HEATR6: variants seen among roughly 807,000 people sequenced by gnomAD.
The protein encoded by HEATR6 is HEAT repeat containing 6.
HEATR6 carries 106 observed loss-of-function variants against 132.8 expected under a neutral mutation model. The ratio of observed to expected loss-of-function variants is 0.80; its 90% CI spans 0.68 to 0.94. The LOEUF is 0.94. Ranked by LOEUF, HEATR6 falls within the 40% of genes least tolerant of loss-of-function variation. HEATR6 has a pLI of 0.00. For synonymous variants in HEATR6, 529 were observed against 537.8 expected, an observed-to-expected ratio of 0.98 and a Z score of 0.23; for missense variants, 1,339 against 1,425.1, an observed-to-expected ratio of 0.94 and a Z score of 0.97.
chr17:60,056,091 C>T (rs771856764), intron 13 of HEATR6, 24 bp downstream of exon 13: 13 of 1,610,812 alleles, frequency 8.1e-6, no homozygotes, highest in Admixed American at 5.0e-5. Flanking sequence ...AAGGAAAAAG[C>T]ATTGTGGTTT....
intron 7 of HEATR6, 56 bp from the exon 8 acceptor site, chr17:60,067,788 A>G (rs2083250180): frequency 7.3e-7 from 1 of 1,377,378 alleles, no homozygotes; most frequent in African/African-American, 1.5e-5. Flanking sequence ...ATGGCTTTTC[A>G]CTGAATCGTT....
At chr17:60,065,980 C>A (rs551021286) in intron 9 of HEATR6, among the ~76,000 whole-genome samples, 28 of 152,336 alleles carry the variant, frequency 1.8e-4, no homozygotes, top group African/African-American at 6.5e-4. Context: ...TCAGTGTGCT[C>A]AGGCTTCAAG....
chr17:60,056,121 T>C lies in HEATR6; in HGVS notation c.2196A>G (p.Gly732=). 3 of 1,613,610 alleles carry C rather than the reference T, an allele frequency of 1.9e-6. No individual in the cohort carries two copies. Among genetic ancestry groups the C allele is most frequent in the Non-Finnish European group, 2.5e-6 (3 of 1,179,836 alleles). Residue 732 remains glycine (G), a synonymous_variant, in exon 13 of 20, where the codon GGA becomes GGG. Coordinates refer to ENST00000184956, the MANE Select transcript of HEATR6 (RefSeq NM_022070.5). ...GEADPSIQLH[G]AKLLEELGTG... ...TGGTTTTGATGAAAATTACCTTTGC[T>C]CCATGAAGCTGAATGGATGGATCTG...
At chr17:60,054,243 G>C (rs561638396) in intron 14 of HEATR6, among the ~76,000 whole-genome samples, 1 of 152,364 alleles carries the variant, frequency 6.6e-6, no homozygotes, top group South Asian at 2.1e-4. Context: ...TCCATGTGGT[G>C]TTAAGCCTGC....
At chr17:60,056,878 C>A (rs1361769585) in intron 12 of HEATR6, among the ~76,000 whole-genome samples, 170 bp downstream of exon 12, 1 of 152,150 alleles carries the variant, frequency 6.6e-6, no homozygotes, top group Admixed American at 6.6e-5. Flanking sequence ...AACCAAAGAA[C>A]ACCTCCCCAA....
chr17:60,056,183 C>T lies in HEATR6; in HGVS notation c.2134G>A (p.Glu712Lys), dbSNP rs1906738742. The change falls in exon 13 of 20, where the codon GAG becomes AAG. Residue 712 changes from glutamate (E) to lysine (K), a missense_variant. Coordinates refer to ENST00000184956, the MANE Select transcript of HEATR6 (RefSeq NM_022070.5). The stretch of plus-strand genomic sequence containing the variant: ...CACTTGCAAATCACCTCTCCAAGCT[C>T]CATCAAGTAGGCTTGAGTCATTGAA... ...YFSMTQAYLM[E>K]LGEVICKCMG... is the part of the protein sequence containing the mutation. 6.2e-7 allele frequency: 1 copy of T among 1,614,052 alleles called. No individual in the cohort carries two copies. Among genetic ancestry groups the T allele is most frequent in the African/African-American group, 1.3e-5 (1 of 75,044 alleles).
intron 7 of HEATR6, among the ~76,000 whole-genome samples, chr17:60,068,851 G>A (rs1334729217): frequency 6.6e-6 from 1 of 152,068 alleles, no homozygotes; most frequent in South Asian, 2.1e-4. Context: ...AGAGTACTCT[G>A]TGAATATTCT....
intron 14 of HEATR6, among the ~76,000 whole-genome samples, chr17:60,052,495 G>A (rs145897502): frequency 3.5e-4 from 54 of 152,170 alleles, no homozygotes; most frequent in Non-Finnish European, 6.6e-4. Context: ...CATCTATCTA[G>A]CAAAGGGAGA....
In HEATR6 at chr17:60,078,898, A is replaced by G. The variant is rs1415486416; in HGVS notation, c.17T>C (p.Val6Ala). The G allele has an allele frequency of 3.3e-6, 4 of 1,197,966 alleles. No individual in the cohort carries two copies. In the East Asian group the frequency reaches 2.2e-4, roughly 65 times the overall value. 74.2% of individuals were successfully genotyped at this position (1,197,966 alleles called of 1,614,324 possible). A position where few individuals can be genotyped will look rare whatever the true frequency, so the allele number is the denominator to read the frequency against. The change falls in exon 1 of 20, where the codon GTT (valine) becomes GCT (alanine). Residue 6 changes from valine to alanine, a missense_variant. Val to Ala is a moderately conservative substitution (Grantham distance 64, BLOSUM62 0). Coordinates refer to ENST00000184956, the MANE Select transcript of HEATR6 (RefSeq NM_022070.5). ...CTGCACGGAAGGCCACGAACCGACA[A>G]CTTGCACAGCAGCCATCTTTTCTAC... is the stretch of plus-strand genomic sequence containing the variant. Reference protein sequence around the residue: MAAVQVVGSWPSVQPR... With the variant: MAAVQAVGSWPSVQPR...
intron 16 of HEATR6, among the ~76,000 whole-genome samples, chr17:60,049,014 ATATATG>A (rs1906487361): frequency 1.4e-5 from 2 of 138,124 alleles, no homozygotes; most frequent in African/African-American, 5.4e-5. Flanking sequence ...ATATATATAT[ATATATG>A]GTAATGCCTT....
chr17:60,065,793 A>G (rs2083237384), intron 9 of HEATR6, among the ~76,000 whole-genome samples: 1 of 152,156 alleles, frequency 6.6e-6, no homozygotes, highest in Non-Finnish European at 1.5e-5. Flanking sequence ...CATTTTGGGC[A>G]TTTTTCTAAG....
chr17:60,049,787 G>T, intron 15 of HEATR6, 85 bp from the exon 16 acceptor site: 1 of 1,454,708 alleles, frequency 6.9e-7, no homozygotes, highest in Non-Finnish European at 9.4e-7. Context: ...AAATATCTGT[G>T]TCTGAGACCA....
chr17:60,076,051 C>T, intron 2 of HEATR6, 79 bp downstream of exon 2: 1 of 831,600 alleles, frequency 1.2e-6, no homozygotes. Context: ...ATCATACCTA[C>T]TACAGATGTA....
At chr17:60,067,779 TG>T in intron 7 of HEATR6, 47 bp from the exon 8 acceptor site, 1 of 1,469,918 alleles carries the variant, frequency 6.8e-7, no homozygotes, top group Non-Finnish European at 9.3e-7. Context: ...TACTTCAGAA[TG>T]GCTTTTCACT....
chr17:60,070,816 A>C lies in HEATR6; in HGVS notation c.700-9T>G. ...AATGCATTTTGCAATAACTAGGGGG[A>C]AAAGGGAGACCCAGTTAGAAGGCAG... is the stretch of plus-strand genomic sequence containing the variant. On this transcript the variant is annotated splice_polypyrimidine_tract_variant and intron_variant, in intron 5 of 19. Coordinates refer to ENST00000184956, the MANE Select transcript of HEATR6 (RefSeq NM_022070.5). The C allele has an allele frequency of 7.1e-7, 1 of 1,413,282 alleles. No individual in the cohort carries two copies. The highest frequency in any genetic ancestry group is 1.0e-6 in the Non-Finnish European group (1 of 997,794). The allele number at this position is 1,413,282 out of a possible 1,614,324, so 87.5% of individuals were successfully genotyped here.
chr17:60,048,429 C>A, intron 16 of HEATR6, 41 bp from the exon 17 acceptor site: 1 of 1,543,516 alleles, frequency 6.5e-7, no homozygotes, highest in South Asian at 1.2e-5. Context: ...TTTAGCAGGT[C>A]ATGCTGCTAC....
chr17:60,060,341 G>A (rs1464333434), intron 9 of HEATR6, among the ~76,000 whole-genome samples: 2 of 151,854 alleles, frequency 1.3e-5, no homozygotes, highest in Non-Finnish European at 2.9e-5. Context: ...GTGCAGTGGC[G>A]CAATCATAAC....
chr17:60,066,472 A>C (rs2083241530), intron 8 of HEATR6, 86 bp from the exon 9 acceptor site: 1 of 926,316 alleles, frequency 1.1e-6, no homozygotes, highest in Admixed American at 3.0e-5. Context: ...ATTTATTTCC[A>C]CCAATTCAAA....
intron 18 of HEATR6, 46 bp downstream of exon 18, chr17:60,047,263 C>T: frequency 8.0e-7 from 1 of 1,255,640 alleles, no homozygotes; most frequent in Non-Finnish European, 1.2e-6. Flanking sequence ...AGCTACAATA[C>T]ATTAACTATC....
Sources: allele counts gnomAD v4.1 joint callset (sites outside exome capture counted in the v4.1 genomes callset), GRCh38; gene constraint gnomAD v4.1.1; transcripts MANE v1.5; gene names NCBI Gene and HGNC (gene_info 2026-07-23, HGNC 2026-07-21).